The following DAPK1 variants were observed in gnomAD, a reference collection of about 807,000 sequenced individuals.
DAPK1 encodes death associated protein kinase 1.
Under a neutral mutation model 144.9 loss-of-function variants are expected in DAPK1, and 56 were observed. The ratio of observed to expected loss-of-function variants is 0.39; its 90% CI spans 0.31 to 0.48. DAPK1 has a LOEUF of 0.48. DAPK1 is among the 20% of genes least tolerant of loss of function. The pLI, the probability that DAPK1 is intolerant of heterozygous loss-of-function variation, is 0.95. For synonymous variants in DAPK1, 690 were observed against 749.0 expected, an observed-to-expected ratio of 0.92 and a Z score of 1.29; for missense variants, 1,454 against 1,875.4, an observed-to-expected ratio of 0.78 and a Z score of 4.15.
At chr9:87,635,613 T>C (rs1320746226) in intron 3 of DAPK1, among the ~76,000 whole-genome samples, 1 of 151,996 alleles carries the variant, frequency 6.6e-6, no homozygotes, top group Non-Finnish European at 1.5e-5. Flanking sequence ...GCTACAGGGG[T>C]GACAGTGGCC....
At chr9:87,662,514 T>C (rs1191541801) in intron 18 of DAPK1, among the ~76,000 whole-genome samples, 2 of 150,140 alleles carry the variant, frequency 1.3e-5, no homozygotes, top group African/African-American at 2.5e-5. Flanking sequence ...TGTTTTTTAG[T>C]TTGCCTTGTA....
rs577559100 is a variant in DAPK1, at chr9:87,502,308, T to A, written c.62+3169T>A. On this transcript the variant is annotated intron_variant, in intron 2 of 25. Transcript: ENST00000408954. ...TTGTTATCTTTAGAAGGGTGCTTGGTGGCCTTCAGTTTTGGCTCCTGGAGG... is the reference window on the plus strand; with the variant it reads ...TTGTTATCTTTAGAAGGGTGCTTGGAGGCCTTCAGTTTTGGCTCCTGGAGG... 3.9e-5 allele frequency among the ~76,000 whole-genome samples: 6 copies of A among 152,218 alleles called. 1 individual carries two copies. Among genetic ancestry groups the A allele is most frequent in the African/African-American group, 1.4e-4 (6 of 41,530 alleles).
At chr9:87,660,893 G>A (rs1026832834) in intron 18 of DAPK1, among the ~76,000 whole-genome samples, 4 of 152,168 alleles carry the variant, frequency 2.6e-5, no homozygotes, top group Admixed American at 6.5e-5. Context: ...TCGCCAGGCT[G>A]GAATGCAGTG....
intron 19 of DAPK1, among the ~76,000 whole-genome samples, chr9:87,671,103 C>T (rs752301432): frequency 1.3e-5 from 2 of 152,204 alleles, no homozygotes; most frequent in Non-Finnish European, 2.9e-5. Flanking sequence ...TTCTCCCGTC[C>T]TCTGTCCCCG....
intron 2 of DAPK1, among the ~76,000 whole-genome samples, chr9:87,537,673 C>T (rs1172923095): frequency 6.6e-6 from 1 of 151,982 alleles, no homozygotes; most frequent in Admixed American, 6.6e-5. Flanking sequence ...AGTGTGTCTG[C>T]AGGAGCATTC....
At chr9:87,551,307 C>T (rs939948717) in intron 2 of DAPK1, among the ~76,000 whole-genome samples, 6 of 152,088 alleles carry the variant, frequency 3.9e-5, no homozygotes, top group Admixed American at 6.6e-5. Context: ...ACCACCACGC[C>T]TGGCTAATTT....
At chr9:87,639,208 T>C (rs935017737) in intron 4 of DAPK1, 146 bp from the exon 5 acceptor site, 3 of 700,844 alleles carry the variant, frequency 4.3e-6, no homozygotes, top group East Asian at 2.8e-5. Context: ...GAGCAAGACA[T>C]GTATTTTCCT....
At chr9:87,519,243 C>G (rs541429561) in intron 2 of DAPK1, among the ~76,000 whole-genome samples, 3 of 152,356 alleles carry the variant, frequency 2.0e-5, no homozygotes, top group African/African-American at 7.2e-5. Flanking sequence ...CCCGCATGCA[C>G]CATTACCTTC....
intron 3 of DAPK1, among the ~76,000 whole-genome samples, chr9:87,613,325 C>T (rs1828992410): frequency 1.3e-5 from 2 of 152,196 alleles, no homozygotes; most frequent in Admixed American, 1.3e-4. Flanking sequence ...TTTCGTCTTG[C>T]AAAACTGAAA....
intron 21 of DAPK1, among the ~76,000 whole-genome samples, chr9:87,689,579 A>G (rs974614016): frequency 1.3e-5 from 2 of 152,156 alleles, no homozygotes; most frequent in African/African-American, 4.8e-5. Context: ...TTTATCCACA[A>G]TATCTTTGTA....
At position 87,607,593 on chromosome 9, in the gene DAPK1, C is replaced by T. The variant is rs76852097; in HGVS notation, c.284+2418C>T. Among the ~76,000 whole-genome samples the T allele has an allele frequency of 4.8e-3, 732 of 152,164 alleles. 7 individuals carry two copies. Among genetic ancestry groups the T allele is most frequent in the African/African-American group, 0.017 (704 of 41,496 alleles). On this transcript the variant is annotated intron_variant, in intron 3 of 25. Transcript: ENST00000408954. ...GGTGGCATACAATTATTTTTTTTTA[C>T]CATTTGATTATGTAAAAATTTTATT...
intron 2 of DAPK1, among the ~76,000 whole-genome samples, chr9:87,502,075 C>T (rs1824423493): frequency 6.6e-6 from 1 of 152,056 alleles, no homozygotes; most frequent in Non-Finnish European, 1.5e-5. Flanking sequence ...CATCTGGGTG[C>T]CCCAGGCAAG....
chr9:87,614,099 A>G (rs1829015862), intron 3 of DAPK1, among the ~76,000 whole-genome samples: 1 of 152,154 alleles, frequency 6.6e-6, no homozygotes, highest in Non-Finnish European at 1.5e-5. Flanking sequence ...TGAGAAAGAA[A>G]ACCCTGTGTG....
chr9:87,499,157 A>T lies in DAPK1; in HGVS notation c.62+18A>T. ...CTTGGCAGGTAAAGGGGGTACCAGA[A>T]GCGTACCCTCCTGGATTGTGGAAAT... On this transcript the variant is annotated intron_variant, in intron 2 of 25. Coordinates refer to ENST00000408954, the MANE Select transcript of DAPK1 (RefSeq NM_004938.4). The T allele has an allele frequency of 1.9e-6, 3 of 1,605,830 alleles. No homozygotes were observed. Among genetic ancestry groups the T allele is most frequent in the Non-Finnish European group, 2.6e-6 (3 of 1,172,438 alleles).
intron 18 of DAPK1, among the ~76,000 whole-genome samples, chr9:87,660,306 A>G (rs1830797065): frequency 6.6e-6 from 1 of 152,050 alleles, no homozygotes; most frequent in African/African-American, 2.4e-5. Context: ...GAGACCCTCC[A>G]GACTGGAGGG....
intron 3 of DAPK1, among the ~76,000 whole-genome samples, chr9:87,624,878 C>T (rs1201136269): frequency 6.6e-6 from 1 of 152,146 alleles, no homozygotes; most frequent in African/African-American, 2.4e-5. Context: ...GAGAAGAAAA[C>T]ACCCAGGGAG....
At chr9:87,626,244 TG>T (rs1829484653) in intron 3 of DAPK1, among the ~76,000 whole-genome samples, 1 of 152,154 alleles carries the variant, frequency 6.6e-6, no homozygotes, top group Non-Finnish European at 1.5e-5. Flanking sequence ...GGTGAAACCC[TG>T]TCTCAACTAA....
In DAPK1 at chr9:87,610,709, G is replaced by A. The variant is rs780898370; in HGVS notation, c.284+5534G>A. ...CCTCAGTGTCAGGGATGCACCAGCCGTGGAGACTGTGGCCCACTGGAGCCC... is the reference window on the plus strand; with the variant it reads ...CCTCAGTGTCAGGGATGCACCAGCCATGGAGACTGTGGCCCACTGGAGCCC... On this transcript the variant is annotated intron_variant, in intron 3 of 25. Transcript: ENST00000408954. Among the ~76,000 whole-genome samples, 35 of 152,236 alleles carry A rather than the reference G, an allele frequency of 2.3e-4. 1 individual carries two copies. Among genetic ancestry groups the A allele is most frequent in the Non-Finnish European group, 3.8e-4 (26 of 68,040 alleles).
intron 2 of DAPK1, among the ~76,000 whole-genome samples, chr9:87,590,879 G>C (rs973176015): frequency 3.3e-4 from 50 of 152,314 alleles, no homozygotes; most frequent in African/African-American, 1.2e-3. Context: ...GTGAGCCACT[G>C]CACCCCATCT....
Sources: allele counts gnomAD v4.1 joint callset (sites outside exome capture counted in the v4.1 genomes callset), GRCh38; gene constraint gnomAD v4.1.1; transcripts MANE v1.5; gene names NCBI Gene and HGNC (gene_info 2026-07-23, HGNC 2026-07-21).